Variants in DRC11 observed in about 807,000 individuals in gnomAD.
DRC11 encodes the protein IQ and AAA domain-containing protein 1.
At chr2:236,392,463 A>G in the DRC11 span, 1 of 580,610 alleles carries the variant, frequency 1.7e-6, no homozygotes, top group Non-Finnish European at 3.0e-6. This position sits in a 1 kb window ranked among gnomAD's most constrained non-coding sequence, Gnocchi z 5.1. Flanking sequence ...TATAAACATA[A>G]GCCTAACTTT....
chr2:236,418,748 C>G, the DRC11 span, among the ~76,000 whole-genome samples: 1 of 152,202 alleles, frequency 6.6e-6, no homozygotes, highest in African/African-American at 2.4e-5. Context: ...TTTGAACAAA[C>G]ACATTTTGGT....
the DRC11 span, among the ~76,000 whole-genome samples, chr2:236,387,906 C>T: frequency 6.6e-6 from 1 of 152,118 alleles, no homozygotes; most frequent in Middle Eastern, 3.4e-3. Context: ...TATTTTATTT[C>T]TCCTTCACTT....
At chr2:236,405,577 G>A in the DRC11 span, among the ~76,000 whole-genome samples, 2 of 151,790 alleles carry the variant, frequency 1.3e-5, no homozygotes, top group Admixed American at 1.3e-4. The surrounding 1 kb of genome is among the most constrained non-coding windows in gnomAD (Gnocchi z 4.6). Context: ...CTTTCTCATC[G>A]GCCTCTCACT....
chr2:236,394,840 T>G, the DRC11 span, among the ~76,000 whole-genome samples: 3 of 152,120 alleles, frequency 2.0e-5, no homozygotes, highest in African/African-American at 7.2e-5. This position sits in a 1 kb window ranked among gnomAD's most constrained non-coding sequence, Gnocchi z 7.0. Flanking sequence ...GCCTACCTCC[T>G]ACCAGCAAAC....
At chr2:236,320,804 A>C in the DRC11 span, among the ~76,000 whole-genome samples, 1 of 151,696 alleles carries the variant, frequency 6.6e-6, no homozygotes, top group Non-Finnish European at 1.5e-5. Context: ...TGAGGAGTCT[A>C]CAGCTCCCTC....
the DRC11 span, among the ~76,000 whole-genome samples, chr2:236,414,168 T>C: frequency 6.6e-6 from 1 of 151,958 alleles, no homozygotes; most frequent in East Asian, 1.9e-4. Flanking sequence ...TTTTCTCCCA[T>C]CCATAGCTTT....
chr2:236,459,830 G>A, the DRC11 span, among the ~76,000 whole-genome samples: 377 of 151,468 alleles, frequency 2.5e-3, 4 homozygotes, highest in African/African-American at 8.6e-3. Context: ...GTTCTACAAC[G>A]AACATTACTT....
the DRC11 span, among the ~76,000 whole-genome samples, chr2:236,314,817 G>A: frequency 2.6e-4 from 39 of 152,148 alleles, no homozygotes; most frequent in African/African-American, 7.2e-4. The surrounding 1 kb of genome is among the most constrained non-coding windows in gnomAD (Gnocchi z 4.5). Flanking sequence ...AACAAGTGCT[G>A]GGAAATATCA....
the DRC11 span, among the ~76,000 whole-genome samples, chr2:236,357,499 A>T: frequency 1.6e-5 from 2 of 127,430 alleles, no homozygotes; most frequent in African/African-American, 3.1e-5. Context: ...ATAAATACAT[A>T]TTTACATATT....
chr2:236,409,139 C>A, the DRC11 span: 2 of 361,886 alleles, frequency 5.5e-6, no homozygotes, highest in South Asian at 2.9e-5. Context: ...CAGAGTCTCC[C>A]TCTGTTGCCC....
chr2:236,314,975 A>C, the DRC11 span, among the ~76,000 whole-genome samples: 1 of 152,208 alleles, frequency 6.6e-6, no homozygotes, highest in Non-Finnish European at 1.5e-5. The surrounding 1 kb of genome is among the most constrained non-coding windows in gnomAD (Gnocchi z 4.5). Context: ...GCAAAATGTC[A>C]AGCATATCTA....
chr2:236,503,293 C>T, the DRC11 span, among the ~76,000 whole-genome samples: 14 of 152,166 alleles, frequency 9.2e-5, no homozygotes, highest in African/African-American at 3.1e-4. The surrounding 1 kb of genome is among the most constrained non-coding windows in gnomAD (Gnocchi z 4.9). Context: ...AAACCACAGC[C>T]GACCTGATGG....
At chr2:236,343,399 G>A in the DRC11 span, among the ~76,000 whole-genome samples, 5 of 152,332 alleles carry the variant, frequency 3.3e-5, no homozygotes, top group African/African-American at 7.2e-5. The surrounding 1 kb of genome is among the most constrained non-coding windows in gnomAD (Gnocchi z 6.6). Flanking sequence ...CAGAGGCCGT[G>A]CGGGCTGAAA....
chr2:236,437,493 T>C, the DRC11 span, among the ~76,000 whole-genome samples: 2 of 151,852 alleles, frequency 1.3e-5, no homozygotes, highest in Middle Eastern at 6.8e-3. Flanking sequence ...TATTTCTAGT[T>C]CTAGATCCCT....
chr2:236,357,081 C>A, the DRC11 span, among the ~76,000 whole-genome samples: 1 of 98,328 alleles, frequency 1.0e-5, no homozygotes, highest in African/African-American at 5.5e-5. Flanking sequence ...TATTATATAT[C>A]TATATATTTT....
the DRC11 span, chr2:236,488,124 C>T: frequency 5.6e-6 from 9 of 1,611,082 alleles, no homozygotes; most frequent in African/African-American, 1.3e-5. Flanking sequence ...GCGACCTTGC[C>T]GTGCCCTCTC....
the DRC11 span, among the ~76,000 whole-genome samples, chr2:236,489,443 G>A: frequency 6.6e-6 from 1 of 151,206 alleles, no homozygotes; most frequent in Non-Finnish European, 1.5e-5. Context: ...GGCTCTGGGT[G>A]CATGCTGGGG....
the DRC11 span, among the ~76,000 whole-genome samples, chr2:236,423,390 GGA>G: frequency 6.6e-6 from 1 of 151,922 alleles, no homozygotes; most frequent in Non-Finnish European, 1.5e-5. Context: ...AGTGGGCAAA[GGA>G]TATGAACAGA....
At chr2:236,324,083 A>T in the DRC11 span, 2 of 152,222 alleles carry the variant, frequency 1.3e-5, no homozygotes, top group African/African-American at 4.8e-5. This position sits in a 1 kb window ranked among gnomAD's most constrained non-coding sequence, Gnocchi z 5.7. Context: ...CAGCTTCAAA[A>T]TTAGGATGTT....
Sources: allele counts gnomAD v4.1 joint callset (sites outside exome capture counted in the v4.1 genomes callset), GRCh38; gene constraint gnomAD v4.1.1; non-coding constraint Gnocchi (gnomAD v3.1); transcripts MANE v1.5; gene names NCBI Gene and HGNC (gene_info 2026-07-23, HGNC 2026-07-21).